Variants in ADAMTSL1 observed in about 807,000 individuals in gnomAD.
The protein encoded by ADAMTSL1 is ADAMTS-like protein 1.
A neutral mutation model predicts 201.8 loss-of-function variants in ADAMTSL1; 126 were observed. The observed-to-expected ratio is 0.62, with a 90% CI of 0.54 to 0.72. The LOEUF (loss-of-function observed/expected upper bound fraction) is 0.72, where lower values mean the gene tolerates loss of function less well. ADAMTSL1 is among the 30% of genes least tolerant of loss of function. The pLI is 0.00. For missense variants in ADAMTSL1, 2,679 were observed against 2,277.8 expected, an observed-to-expected ratio of 1.18 and a Z score of -3.59; for synonymous variants, 1,121 against 903.4, an observed-to-expected ratio of 1.24 and a Z score of -4.32.
At chr9:18,775,210 T>A (rs527250829) in intron 17 of ADAMTSL1, among the ~76,000 whole-genome samples, 5 of 152,358 alleles carry the variant, frequency 3.3e-5, no homozygotes, top group Non-Finnish European at 7.3e-5. Flanking sequence ...GAACTATTCT[T>A]GCACATCTTT....
At chr9:18,459,713 AG>A (rs1820738701) in intron 2 of ADAMTSL1, among the ~76,000 whole-genome samples, 1 of 152,200 alleles carries the variant, frequency 6.6e-6, no homozygotes, top group South Asian at 2.1e-4. Context: ...AGCAGAACTA[AG>A]GAGACTAAAG....
chr9:18,709,693 AC>A (rs1832437566), intron 14 of ADAMTSL1, among the ~76,000 whole-genome samples: 1 of 152,162 alleles, frequency 6.6e-6, no homozygotes, highest in Non-Finnish European at 1.5e-5. Flanking sequence ...CCTGTGTCCA[AC>A]TGTCACTTCC....
At chr9:18,712,030 G>C (rs1832646573) in intron 14 of ADAMTSL1, among the ~76,000 whole-genome samples, 1 of 152,006 alleles carries the variant, frequency 6.6e-6, no homozygotes, top group African/African-American at 2.4e-5. Flanking sequence ...ACCTGCAGCT[G>C]AGGGTCCTGT....
intron 2 of ADAMTSL1, among the ~76,000 whole-genome samples, chr9:18,183,092 A>G (rs917058957): frequency 2.8e-4 from 42 of 152,306 alleles, no homozygotes; most frequent in African/African-American, 7.9e-4. Context: ...GTCCTCCCCA[A>G]CTGATCTTTG....
At chr9:18,782,584 T>C (rs552550986) in intron 19 of ADAMTSL1, among the ~76,000 whole-genome samples, 8 of 152,282 alleles carry the variant, frequency 5.3e-5, no homozygotes, top group African/African-American at 1.9e-4. Flanking sequence ...TAATAGTGAA[T>C]GAATTAACAA....
At chr9:18,400,938 A>G (rs1040214375) in intron 2 of ADAMTSL1, among the ~76,000 whole-genome samples, 2 of 152,126 alleles carry the variant, frequency 1.3e-5, no homozygotes, top group African/African-American at 4.8e-5. Flanking sequence ...CAGCATAAAT[A>G]CACCTCACTA....
chr9:18,697,067 A>G (rs953750766), intron 13 of ADAMTSL1, among the ~76,000 whole-genome samples: 43 of 151,468 alleles, frequency 2.8e-4, no homozygotes, highest in African/African-American at 1.0e-3. Context: ...TTTTTTTAGT[A>G]GAGACGAGGT....
At chr9:18,068,610 A>C (rs1447117721) in intron 1 of ADAMTSL1, among the ~76,000 whole-genome samples, 2 of 152,192 alleles carry the variant, frequency 1.3e-5, no homozygotes, top group Non-Finnish European at 2.9e-5. Context: ...CTAAAGGGAA[A>C]CGCAAACCAA....
rs1249146188 is a variant in ADAMTSL1 at position 18,639,319 on chromosome 9, C to G, written c.742C>G (p.Leu248Val). 1 of 1,613,056 alleles carries G rather than the reference C, an allele frequency of 6.2e-7. No homozygotes were observed. Among genetic ancestry groups the G allele is most frequent in the Non-Finnish European group, 8.5e-7 (1 of 1,179,354 alleles). Residue 248 changes from leucine (L) to valine (V), a missense_variant, in exon 7 of 29, where the codon CTT (leucine) becomes GTT (valine). Transcript: ENST00000380548. ...ENSLSSTGTFLVDNSSVDFQK... is the reference protein window; with the variant it reads ...ENSLSSTGTFVVDNSSVDFQK... ...CAGTCTCAGCTCCACAGGAACTTTC[C>G]TTGTGGACAATTCTAGTGTGGACTT...
At chr9:18,558,657 C>A (rs958683571) in intron 3 of ADAMTSL1, among the ~76,000 whole-genome samples, 1 of 152,178 alleles carries the variant, frequency 6.6e-6, no homozygotes, top group Non-Finnish European at 1.5e-5. Flanking sequence ...TTCTCCACAT[C>A]CTCTCCAGCA....
At chr9:18,029,535 G>A (rs199885339) in intron 1 of ADAMTSL1, among the ~76,000 whole-genome samples, 5 of 152,040 alleles carry the variant, frequency 3.3e-5, no homozygotes, top group African/African-American at 7.2e-5. Flanking sequence ...ACAAAAGCCA[G>A]AATTGACAAA....
intron 2 of ADAMTSL1, among the ~76,000 whole-genome samples, chr9:18,526,756 C>T (rs990150633): frequency 6.6e-6 from 1 of 152,152 alleles, no homozygotes; most frequent in Non-Finnish European, 1.5e-5. Flanking sequence ...TGCAGTATAG[C>T]TCCAGTGAGT....
At chr9:18,378,207 A>G (rs4961464) in intron 2 of ADAMTSL1, among the ~76,000 whole-genome samples, 147,355 of 152,300 alleles carry the variant, frequency 0.97, 71,418 homozygotes, top group East Asian at 1. Context: ...CCTAGGAAAT[A>G]AGGCTTTAAC....
At chr9:18,449,586 T>C (rs1820326803) in intron 2 of ADAMTSL1, among the ~76,000 whole-genome samples, 1 of 152,196 alleles carries the variant, frequency 6.6e-6, no homozygotes, top group African/African-American at 2.4e-5. Flanking sequence ...CATCCTGTGT[T>C]TTAAATATAC....
chr9:18,078,906 T>G (rs1305045998), intron 1 of ADAMTSL1, among the ~76,000 whole-genome samples: 1 of 152,202 alleles, frequency 6.6e-6, no homozygotes, highest in Non-Finnish European at 1.5e-5. Flanking sequence ...GCCTTTGCTC[T>G]TAGGAATTAC....
chr9:18,826,240 T>C, intron 21 of ADAMTSL1, 44 bp from the exon 22 acceptor site: 1 of 1,555,128 alleles, frequency 6.4e-7, no homozygotes, highest in African/African-American at 1.4e-5. Context: ...CTGAATGTGT[T>C]TGACTGATGA....
At chr9:18,415,995 A>G (rs1818657897) in intron 2 of ADAMTSL1, among the ~76,000 whole-genome samples, 1 of 152,036 alleles carries the variant, frequency 6.6e-6, no homozygotes, top group Non-Finnish European at 1.5e-5. Context: ...TTTTTCAGAC[A>G]TGAAAAGCTA....
intron 2 of ADAMTSL1, among the ~76,000 whole-genome samples, chr9:18,399,997 A>G (rs1317847955): frequency 6.6e-6 from 1 of 152,192 alleles, no homozygotes; most frequent in African/African-American, 2.4e-5. Flanking sequence ...TGATAGTGCT[A>G]TAGTGTGTCT....
At position 18,227,049 on chromosome 9, in the gene ADAMTSL1, T is replaced by C. The variant is rs144839687; in HGVS notation, c.207+63068T>C. On this transcript the variant is annotated intron_variant, in intron 2 of 29. Coordinates refer to the ADAMTSL1 transcript ENST00000680146. ...ACTGTTCCTTATACATTTTACCTGC[T>C]TTCTTATTTTCATTACTGTTATTCT... Among the ~76,000 whole-genome samples the C allele has an allele frequency of 1.9e-4, 29 of 152,272 alleles. No homozygotes were observed. The East Asian group carries it at 5.2e-3, about 27-fold the overall frequency.
Sources: allele counts gnomAD v4.1 joint callset (sites outside exome capture counted in the v4.1 genomes callset), GRCh38; gene constraint gnomAD v4.1.1; transcripts MANE v1.5; gene names NCBI Gene and HGNC (gene_info 2026-07-23, HGNC 2026-07-21).